The following PCDH9 variants were observed in gnomAD, a reference collection of about 807,000 sequenced individuals.
PCDH9 encodes protocadherin-9.
PCDH9 carries 24 observed loss-of-function variants against 70.6 expected under a neutral mutation model. The ratio of observed to expected loss-of-function variants is 0.34; its 90% CI spans 0.25 to 0.48. The LOEUF (loss-of-function observed/expected upper bound fraction) is 0.48. Among genes scored for constraint, PCDH9 ranks in the 20% least tolerant of loss-of-function variants. PCDH9 has a pLI of 0.99. For missense variants in PCDH9, 1,281 were observed against 1,503.6 expected (o/e 0.85, Z 2.45); for synonymous variants, 562 against 558.5 (o/e 1.01, Z -0.09).
intron 4 of PCDH9, among the ~76,000 whole-genome samples, chr13:66,506,748 G>A (rs1287206124): frequency 6.6e-6 from 1 of 152,116 alleles, no homozygotes; most frequent in African/African-American, 2.4e-5. Context: ...GAGGCTATTC[G>A]AATTTAAAAT....
chr13:66,505,718 A>G (rs544564713), intron 4 of PCDH9, among the ~76,000 whole-genome samples: 1 of 152,304 alleles, frequency 6.6e-6, no homozygotes, highest in East Asian at 1.9e-4. Flanking sequence ...ACAGCACAGG[A>G]AAGACCCACC....
intron 4 of PCDH9, among the ~76,000 whole-genome samples, chr13:66,358,559 TC>T (rs1956421452): frequency 1.3e-5 from 2 of 151,998 alleles, no homozygotes; most frequent in Admixed American, 1.3e-4. Context: ...AACTTTTTTT[TC>T]AAGGTATACA....
chr13:67,107,903 T>C (rs189231573), intron 2 of PCDH9, among the ~76,000 whole-genome samples: 10 of 152,238 alleles, frequency 6.6e-5, no homozygotes, highest in Non-Finnish European at 1.3e-4. Flanking sequence ...GTTCCTGGTG[T>C]CTCCAAGCTT....
At chr13:66,421,658 G>A (rs985608794) in intron 4 of PCDH9, among the ~76,000 whole-genome samples, 1 of 151,988 alleles carries the variant, frequency 6.6e-6, no homozygotes, top group Non-Finnish European at 1.5e-5. Flanking sequence ...AGCTCCTGAA[G>A]AAAGCACTAA....
chr13:66,891,097 A>G (rs938620866), intron 3 of PCDH9, among the ~76,000 whole-genome samples: 2 of 151,918 alleles, frequency 1.3e-5, no homozygotes, highest in Non-Finnish European at 2.9e-5. Flanking sequence ...TCCACTTAGC[A>G]CGATAGTGTT....
At chr13:66,374,582 G>A (rs985475453) in intron 4 of PCDH9, among the ~76,000 whole-genome samples, 7 of 151,950 alleles carry the variant, frequency 4.6e-5, no homozygotes, top group East Asian at 1.9e-4. Flanking sequence ...AAATGAGGAC[G>A]TTGTCATAAA....
chr13:67,075,378 A>G (rs1314662582), intron 2 of PCDH9, among the ~76,000 whole-genome samples: 1 of 152,116 alleles, frequency 6.6e-6, no homozygotes, highest in Non-Finnish European at 1.5e-5. Flanking sequence ...TGACATAAAA[A>G]CAAAGTGAAA....
At chr13:66,607,881 A>G (rs1401618328) in intron 4 of PCDH9, among the ~76,000 whole-genome samples, 1 of 152,138 alleles carries the variant, frequency 6.6e-6, no homozygotes, top group Non-Finnish European at 1.5e-5. Flanking sequence ...CATTTTATAT[A>G]TAATCATCTC....
At chr13:66,405,335 G>A (rs1325979251) in intron 4 of PCDH9, among the ~76,000 whole-genome samples, 2 of 152,136 alleles carry the variant, frequency 1.3e-5, no homozygotes, top group East Asian at 3.9e-4. Flanking sequence ...TGGTTGCTGT[G>A]ATAGCAAAAT....
chr13:66,403,172 C>G (rs904240683), intron 4 of PCDH9, among the ~76,000 whole-genome samples: 2 of 151,838 alleles, frequency 1.3e-5, no homozygotes, highest in African/African-American at 2.4e-5. Context: ...CAGGGTTTCA[C>G]TCTGTCACCC....
intron 3 of PCDH9, among the ~76,000 whole-genome samples, chr13:66,640,560 C>CAT (rs1491057815): frequency 7.0e-6 from 1 of 143,682 alleles, no homozygotes; most frequent in Non-Finnish European, 1.5e-5. Context: ...CACACACACA[C>CAT]ATCCAAACAT....
chr13:66,675,272 C>T (rs983241230), intron 3 of PCDH9, among the ~76,000 whole-genome samples: 4 of 152,054 alleles, frequency 2.6e-5, no homozygotes, highest in African/African-American at 9.7e-5. Flanking sequence ...GTTTCTTGTG[C>T]CTTTGTCCAC....
intron 2 of PCDH9, among the ~76,000 whole-genome samples, chr13:67,154,154 G>A (rs1472950259): frequency 1.3e-5 from 2 of 152,142 alleles, no homozygotes. Flanking sequence ...TTTAGAACAG[G>A]TAAGAAAAGA....
intron 2 of PCDH9, among the ~76,000 whole-genome samples, chr13:67,179,729 G>C (rs924907368): frequency 3.9e-5 from 6 of 152,006 alleles, no homozygotes; most frequent in African/African-American, 1.4e-4. Flanking sequence ...CTGTAAATAA[G>C]GGTTGTTATT....
At chr13:66,985,456 T>C (rs2083872350) in intron 2 of PCDH9, 3 of 152,072 alleles carry the variant, frequency 2.0e-5, no homozygotes, top group African/African-American at 7.2e-5. Flanking sequence ...ACATTGTATA[T>C]ACAGTTAAAT....
At chr13:66,839,646 C>T (rs1476623482) in intron 3 of PCDH9, among the ~76,000 whole-genome samples, 1 of 152,150 alleles carries the variant, frequency 6.6e-6, no homozygotes, top group Non-Finnish European at 1.5e-5. Flanking sequence ...ATCATATTAT[C>T]AATCATTTTT....
chr13:67,022,725 A>G (rs1005220897), intron 2 of PCDH9, among the ~76,000 whole-genome samples: 3 of 152,162 alleles, frequency 2.0e-5, no homozygotes, highest in Non-Finnish European at 4.4e-5. Flanking sequence ...ACCCTCACCT[A>G]TTTTAAAAAC....
At chr13:67,115,424 C>A (rs1245591661) in intron 2 of PCDH9, among the ~76,000 whole-genome samples, 1 of 152,114 alleles carries the variant, frequency 6.6e-6, no homozygotes, top group African/African-American at 2.4e-5. Context: ...CACCCAGGAG[C>A]AGAAGGATGA....
At chr13:67,220,504 GC>G (rs1390313309) in intron 2 of PCDH9, 1 of 151,818 alleles carries the variant, frequency 6.6e-6, no homozygotes, top group Non-Finnish European at 1.5e-5. Context: ...ATAAATGATA[GC>G]TTGCAATTAT....
Sources: gnomAD v4.1 joint callset for allele counts (sites outside exome capture counted in the v4.1 genomes callset) on GRCh38, gnomAD v4.1.1 for gene constraint, MANE v1.5 for transcripts, NCBI Gene and HGNC (gene_info 2026-07-23, HGNC 2026-07-21) for gene names.